The following DIAPH2 variants were observed in gnomAD, a reference collection of about 807,000 sequenced individuals.
The protein encoded by DIAPH2 is diaphanous related formin 2.
A neutral mutation model predicts 92.7 loss-of-function variants in DIAPH2; 35 were observed. That is an observed-to-expected ratio of 0.38 (90% CI 0.29 to 0.50). The LOEUF is 0.50. DIAPH2 is among the 20% of genes least tolerant of loss of function. The pLI, the probability that DIAPH2 is intolerant of heterozygous loss-of-function variation, is 0.94. For missense variants in DIAPH2, 701 were observed against 819.5 expected (o/e 0.86, Z 1.77); for synonymous variants, 301 against 280.4 (o/e 1.07, Z -0.73).
chrX:96,773,045 A>G (rs112202365), intron 4 of DIAPH2, among the ~76,000 whole-genome samples: 209 of 111,813 alleles, frequency 1.9e-3, no homozygotes, highest in African/African-American at 6.7e-3. Context: ...ATGTCTCTCT[A>G]TATCTATTTA....
intron 25 of DIAPH2, among the ~76,000 whole-genome samples, chrX:97,387,009 G>A (rs775989590): frequency 9.0e-6 from 1 of 110,971 alleles, no homozygotes; most frequent in Non-Finnish European, 1.9e-5. Context: ...GGAAAATGAT[G>A]TACATAGTCA....
chrX:97,189,625 T>C (rs953853168), intron 22 of DIAPH2, among the ~76,000 whole-genome samples: 8 of 111,366 alleles, frequency 7.2e-5, no homozygotes, highest in African/African-American at 2.6e-4. Context: ...ATGTCCAATA[T>C]TATAAAATTA....
chrX:96,687,457 T>G (rs78414831), intron 1 of DIAPH2, among the ~76,000 whole-genome samples: 14 of 110,023 alleles, frequency 1.3e-4, no homozygotes, highest in South Asian at 3.9e-4. Context: ...TTTTTTTTTT[T>G]GGGACGAAGT....
chrX:97,377,218 C>T (rs906040756), intron 24 of DIAPH2, among the ~76,000 whole-genome samples: 6 of 112,228 alleles, frequency 5.3e-5, no homozygotes, highest in Non-Finnish European at 1.1e-4. Context: ...GGCCATTTTA[C>T]AGTTAACTTG....
intron 26 of DIAPH2, among the ~76,000 whole-genome samples, chrX:97,583,280 C>G (rs1393677893): frequency 9.0e-6 from 1 of 110,563 alleles, no homozygotes; most frequent in Non-Finnish European, 1.9e-5. Context: ...TTTTTCTGTT[C>G]TGTTTTTTCC....
chrX:96,735,325 C>A (rs753805347), intron 1 of DIAPH2, among the ~76,000 whole-genome samples: 2 of 111,860 alleles, frequency 1.8e-5, no homozygotes, highest in African/African-American at 6.5e-5. Flanking sequence ...TTAGGCCAAG[C>A]TGTTTCATTA....
rs1466007109 is a variant in DIAPH2 at position 97,434,479 on chromosome X, G to A, written c.3241+4734G>A. On this transcript the variant is annotated intron_variant, in intron 26 of 26. Transcript: ENST00000324765. ...GCTGAAGTGCAGTGGTGCGATCTCC[G>A]CTCACTGCAACCTCCGCCTCCCAGG... Among the ~76,000 whole-genome samples the A allele has an allele frequency of 3.8e-5, 4 of 104,810 alleles. No homozygotes were observed. The Admixed American group carries it at 4.2e-4, about 11-fold the overall frequency. The allele number at this position is 104,810 out of a possible 115,157, so 91.0% of individuals were successfully genotyped here. A position where few individuals can be genotyped will look rare whatever the true frequency, so the allele number is the denominator to read the frequency against.
At chrX:96,998,864 G>C (rs1209081952) in intron 17 of DIAPH2, among the ~76,000 whole-genome samples, 2 of 112,024 alleles carry the variant, frequency 1.8e-5, no homozygotes, top group African/African-American at 6.5e-5. Flanking sequence ...GATAATAATA[G>C]TATGTACCCT....
chrX:97,378,789 T>C (rs779373018), intron 24 of DIAPH2, among the ~76,000 whole-genome samples: 1 of 112,062 alleles, frequency 8.9e-6, no homozygotes, highest in South Asian at 3.7e-4. Flanking sequence ...ATTTAGTGTA[T>C]AAAAAGATTT....
intron 24 of DIAPH2, among the ~76,000 whole-genome samples, chrX:97,369,282 C>G (rs1041885628): frequency 1.4e-4 from 16 of 111,041 alleles, no homozygotes; most frequent in African/African-American, 5.2e-4. Context: ...CTATGAATAT[C>G]TGAATGCATG....
chrX:97,063,980 A>G (rs910704278), intron 17 of DIAPH2, among the ~76,000 whole-genome samples: 9 of 112,262 alleles, frequency 8.0e-5, no homozygotes, highest in African/African-American at 2.9e-4. Flanking sequence ...TTGTTGCAAC[A>G]AACATGGTAT....
intron 26 of DIAPH2, among the ~76,000 whole-genome samples, chrX:97,540,266 A>T (rs986540213): frequency 3.6e-5 from 4 of 111,792 alleles, no homozygotes; most frequent in African/African-American, 6.5e-5. Flanking sequence ...TAAGGCTTAG[A>T]TGAATGGACA....
At chrX:97,256,487 C>A (rs1426801334) in intron 23 of DIAPH2, among the ~76,000 whole-genome samples, 1 of 112,101 alleles carries the variant, frequency 8.9e-6, no homozygotes, top group African/African-American at 3.2e-5. Context: ...GGTGCAAAAT[C>A]TCAATCATGT....
At chrX:97,167,065 T>C (rs2067417618) in intron 22 of DIAPH2, among the ~76,000 whole-genome samples, 1 of 111,961 alleles carries the variant, frequency 8.9e-6, no homozygotes, top group Non-Finnish European at 1.9e-5. Flanking sequence ...TAGCGTTTCA[T>C]TGGATGACTA....
chrX:97,269,679 G>A (rs1229424214), intron 23 of DIAPH2, among the ~76,000 whole-genome samples: 2 of 110,323 alleles, frequency 1.8e-5, no homozygotes, highest in African/African-American at 6.6e-5. Flanking sequence ...GGTTAGAAAA[G>A]TATATACCAA....
intron 21 of DIAPH2, among the ~76,000 whole-genome samples, chrX:97,118,288 C>T (rs958643369): frequency 1.8e-5 from 2 of 111,671 alleles, no homozygotes; most frequent in Non-Finnish European, 3.8e-5. Context: ...CAGCTCCAAC[C>T]ATTTTCCTTC....
chrX:97,042,421 G>T (rs1055528698), intron 17 of DIAPH2, among the ~76,000 whole-genome samples: 1 of 111,447 alleles, frequency 9.0e-6, no homozygotes, highest in Admixed American at 9.5e-5. Flanking sequence ...TCAGACCATT[G>T]CTAATGTCAT....
chrX:96,939,424 C>T (rs20362), intron 12 of DIAPH2, 42 bp downstream of exon 12: 26,135 of 570,660 alleles, frequency 0.046, 619 homozygotes, highest in Middle Eastern at 0.08. Context: ...TAATTTGAAT[C>T]GGATATTAAA....
At chrX:97,092,133 A>G (rs140953922) in intron 19 of DIAPH2, among the ~76,000 whole-genome samples, 1,185 of 112,233 alleles carry the variant, frequency 0.011, 20 homozygotes, top group African/African-American at 0.036. Context: ...GTGTCTGGTT[A>G]TGTGTCTGGA....
Sources: gnomAD v4.1 joint callset for allele counts (sites outside exome capture counted in the v4.1 genomes callset) on GRCh38, gnomAD v4.1.1 for gene constraint, MANE v1.5 for transcripts, NCBI Gene and HGNC (gene_info 2026-07-23, HGNC 2026-07-21) for gene names.